CBFA2T2: variants seen among roughly 807,000 people sequenced by gnomAD.
The protein encoded by CBFA2T2 is CBFA2/RUNX1 partner transcriptional co-repressor 2.
CBFA2T2 carries 11 observed loss-of-function variants against 62.2 expected under a neutral mutation model. That is an observed-to-expected ratio of 0.18 (90% CI 0.11 to 0.29). CBFA2T2 has a LOEUF of 0.29. Ranked by LOEUF, CBFA2T2 falls within the 10% of genes least tolerant of loss-of-function variation. The pLI, the probability that CBFA2T2 is intolerant of heterozygous loss-of-function variation, is 1.00. For synonymous variants in CBFA2T2, 295 were observed against 287.5 expected, an observed-to-expected ratio of 1.03 and a Z score of -0.27; for missense variants, 592 against 774.1, an observed-to-expected ratio of 0.76 and a Z score of 2.79.
chr20:33,520,117 C>A (rs1161355060), intron 1 of CBFA2T2, among the ~76,000 whole-genome samples: 1 of 151,956 alleles, frequency 6.6e-6, no homozygotes, highest in Non-Finnish European at 1.5e-5. Flanking sequence ...TGCACTGGAG[C>A]CTGGGCAACA....
At position 33,490,284 on chromosome 20, in the gene CBFA2T2, G is replaced by C. The variant is rs1163252727; in HGVS notation, c.17G>C (p.Gly6Ala). 1.6e-6 allele frequency: 2 copies of C among 1,265,668 alleles called. No individual in the cohort carries two copies. Among genetic ancestry groups the C allele is most frequent in the Non-Finnish European group, 2.0e-6 (2 of 1,007,214 alleles). The allele number at this position is 1,265,668 out of a possible 1,614,324, so 78.4% of individuals were successfully genotyped here. ...CGCTCGGCGATGGTAGGCGTCCCTG[G>C]AGCGGCCGCCTTCCAGCGTAAGTGG... Reference protein sequence around the residue: MVGVPGAAAFQLGPEK... With the variant: MVGVPAAAAFQLGPEK... The change falls in exon 1 of 11, where the codon GGA becomes GCA. Residue 6 changes from glycine (G) to alanine (A), a missense_variant. Transcript: ENST00000342704.
At chr20:33,559,675 G>T (rs958770125) in intron 1 of CBFA2T2, among the ~76,000 whole-genome samples, 5 of 151,984 alleles carry the variant, frequency 3.3e-5, no homozygotes, top group African/African-American at 1.2e-4. Flanking sequence ...TTTAGTAGAG[G>T]CGGGGTTTCA....
intron 10 of CBFA2T2, among the ~76,000 whole-genome samples, chr20:33,641,832 C>G (rs1344682429): frequency 6.6e-6 from 1 of 151,886 alleles, no homozygotes; most frequent in African/African-American, 2.4e-5. Flanking sequence ...ATCCACCCAA[C>G]CTTGGCCTCC....
chr20:33,542,337 T>C (rs1166639278), intron 1 of CBFA2T2, among the ~76,000 whole-genome samples: 1 of 152,232 alleles, frequency 6.6e-6, no homozygotes, highest in Non-Finnish European at 1.5e-5. Context: ...TGTGAGGAAC[T>C]AGATCTATTT....
At chr20:33,566,687 C>T (rs1600980030) in intron 1 of CBFA2T2, among the ~76,000 whole-genome samples, 1 of 151,878 alleles carries the variant, frequency 6.6e-6, no homozygotes, top group Non-Finnish European at 1.5e-5. Context: ...TAAAGGAGGT[C>T]GCGTTTGATC....
intron 1 of CBFA2T2, among the ~76,000 whole-genome samples, chr20:33,565,034 C>T (rs965863276): frequency 2.0e-5 from 3 of 152,150 alleles, no homozygotes; most frequent in African/African-American, 7.2e-5. Flanking sequence ...ATTCTCCTGC[C>T]TCAGCCTCCA....
intron 1 of CBFA2T2, among the ~76,000 whole-genome samples, chr20:33,509,046 A>C (rs1391301718): frequency 6.6e-6 from 1 of 152,210 alleles, no homozygotes; most frequent in Non-Finnish European, 1.5e-5. Flanking sequence ...AAACAAGCAG[A>C]TAATTCATGC....
At chr20:33,600,059 T>G (rs1345649157) in intron 1 of CBFA2T2, among the ~76,000 whole-genome samples, 2 of 152,196 alleles carry the variant, frequency 1.3e-5, no homozygotes, top group Non-Finnish European at 2.9e-5. Flanking sequence ...TGGTAAATGC[T>G]CATCCTTAAG....
chr20:33,491,437 T>C (rs1486103750), intron 1 of CBFA2T2, among the ~76,000 whole-genome samples: 1 of 152,108 alleles, frequency 6.6e-6, no homozygotes, highest in Admixed American at 6.6e-5. Context: ...AGGATGCCCA[T>C]TTTGCAGAGG....
At chr20:33,571,884 T>TGTTTGTTTG (rs1049192061) in intron 1 of CBFA2T2, among the ~76,000 whole-genome samples, 1 of 152,182 alleles carries the variant, frequency 6.6e-6, no homozygotes, top group Non-Finnish European at 1.5e-5. Flanking sequence ...GTGTTTTGTT[T>TGTTTGTTTG]GTTTGTTTGG....
intron 1 of CBFA2T2, among the ~76,000 whole-genome samples, chr20:33,527,627 G>C (rs1246385593): frequency 6.6e-6 from 1 of 151,826 alleles, no homozygotes; most frequent in Admixed American, 6.6e-5. Flanking sequence ...CATGTCTCAG[G>C]CTCCCAAAAT....
intron 1 of CBFA2T2, among the ~76,000 whole-genome samples, chr20:33,543,542 C>T (rs1345091836): frequency 6.6e-6 from 1 of 152,058 alleles, no homozygotes; most frequent in Non-Finnish European, 1.5e-5. Context: ...ACTAGAGAAC[C>T]TGGAAAGCCT....
chr20:33,642,702 TC>T (rs2016902079), intron 10 of CBFA2T2, among the ~76,000 whole-genome samples: 1 of 152,214 alleles, frequency 6.6e-6, no homozygotes, highest in South Asian at 2.1e-4. Context: ...GTTTCTCTTC[TC>T]TATGTTTAAC....
intron 10 of CBFA2T2, among the ~76,000 whole-genome samples, chr20:33,643,239 A>G (rs1329695497): frequency 6.6e-6 from 1 of 152,182 alleles, no homozygotes; most frequent in African/African-American, 2.4e-5. Flanking sequence ...GTCAGTCTCC[A>G]TCTCTGTTCA....
At position 33,649,943 on chromosome 20, in the gene CBFA2T2, T is replaced by C. The variant is rs1453603148; in HGVS notation, c.*5297T>C. 2.0e-5 allele frequency: 3 copies of C among 152,714 alleles called. No individual in the cohort carries two copies. The highest frequency in any genetic ancestry group is 7.2e-5 in the African/African-American group (3 of 41,476). The allele number at this position is 152,714 out of a possible 1,614,324, so 9.5% of individuals were successfully genotyped here. ...GTTACCTAACTCTGTGCATAACTTATTTAATGTACTGTATAAATGAACCAA... is the reference window on the plus strand; with the variant it reads ...GTTACCTAACTCTGTGCATAACTTACTTAATGTACTGTATAAATGAACCAA... On this transcript the variant is annotated 3_prime_UTR_variant, in exon 11 of 11. Coordinates refer to ENST00000342704, the MANE Select transcript of CBFA2T2 (RefSeq NM_001032999.3).
chr20:33,587,066 C>T (rs181878238), intron 1 of CBFA2T2, among the ~76,000 whole-genome samples: 85 of 152,114 alleles, frequency 5.6e-4, no homozygotes, highest in African/African-American at 1.4e-3. Flanking sequence ...CTAAACTTCC[C>T]GAGTAGCTGG....
chr20:33,545,561 C>G (rs1600952534), intron 1 of CBFA2T2, among the ~76,000 whole-genome samples: 1 of 152,180 alleles, frequency 6.6e-6, no homozygotes, highest in African/African-American at 2.4e-5. Context: ...ATTCTCCTGC[C>G]TCAGCCTCCT....
chr20:33,598,800 T>A (rs578015732), intron 1 of CBFA2T2, among the ~76,000 whole-genome samples: 1 of 152,316 alleles, frequency 6.6e-6, no homozygotes, highest in East Asian at 1.9e-4. Flanking sequence ...AAGTATTAAT[T>A]TGGGGAACTA....
intron 1 of CBFA2T2, among the ~76,000 whole-genome samples, chr20:33,596,487 C>T (rs1403795736): frequency 6.6e-6 from 1 of 152,160 alleles, no homozygotes; most frequent in African/African-American, 2.4e-5. Context: ...ATTCACAGTG[C>T]TTACAGCCCG....
Sources: gnomAD v4.1 joint callset for allele counts (sites outside exome capture counted in the v4.1 genomes callset) on GRCh38, gnomAD v4.1.1 for gene constraint, MANE v1.5 for transcripts, NCBI Gene and HGNC (gene_info 2026-07-23, HGNC 2026-07-21) for gene names.